Variants in KCNG3 observed in about 807,000 individuals in gnomAD.
The protein encoded by KCNG3 is voltage-gated potassium channel regulatory subunit KCNG3.
KCNG3 carries 15 observed loss-of-function variants against 29.0 expected under a neutral mutation model. The observed-to-expected ratio is 0.52, with a 90% CI of 0.35 to 0.80. The LOEUF (loss-of-function observed/expected upper bound fraction) is 0.80. Ranked by LOEUF, KCNG3 falls within the 30% of genes least tolerant of loss-of-function variation. The pLI is 0.01. For missense variants in KCNG3, 512 were observed against 605.7 expected, an observed-to-expected ratio of 0.85 and a Z score of 1.62; for synonymous variants, 322 against 248.9, an observed-to-expected ratio of 1.29 and a Z score of -2.76.
chr2:42,405,508 A>C, the KCNG3 span, among the ~76,000 whole-genome samples: 1 of 150,152 alleles, frequency 6.7e-6, no homozygotes, highest in Admixed American at 6.6e-5. Context: ...GCGTGATCTC[A>C]GCTCACTGCA....
chr2:42,445,778 G>A (rs1008611387), intron 1 of KCNG3, among the ~76,000 whole-genome samples: 8 of 151,970 alleles, frequency 5.3e-5, no homozygotes, highest in Admixed American at 2.6e-4. Context: ...CCAGGCTGGA[G>A]TGCAGTGGCA....
downstream of KCNG3, among the ~76,000 whole-genome samples, chr2:42,437,648 A>G (rs1284660551): frequency 6.6e-6 from 1 of 152,126 alleles, no homozygotes; most frequent in Non-Finnish European, 1.5e-5. Context: ...TTAAAAAATA[A>G]ATATGTGGGC....
At position 42,478,227 on chromosome 2, in the gene KCNG3, A is replaced by T. The variant is rs115999188; in HGVS notation, c.665+14610T>A. Among the ~76,000 whole-genome samples, 639 of 152,186 alleles carry T rather than the reference A, an allele frequency of 4.2e-3. 2 individuals carry two copies. Among genetic ancestry groups the T allele is most frequent in the African/African-American group, 0.015 (612 of 41,532 alleles). ...AATTACATCTATCTATATTTATCAT[A>T]TTATATATTAAACTAGAATTTTTTT... On this transcript the variant is annotated intron_variant, in intron 1 of 1. Transcript: ENST00000306078.
the KCNG3 span, among the ~76,000 whole-genome samples, chr2:42,395,692 C>T: frequency 1.8e-4 from 27 of 152,276 alleles, no homozygotes; most frequent in African/African-American, 4.1e-4. Flanking sequence ...TGTTGACTCA[C>T]GCCTGTAACC....
At position 42,453,745 on chromosome 2, in the gene KCNG3, G is replaced by A. The variant is rs374342379; in HGVS notation, c.666-9166C>T. On this transcript the variant is annotated intron_variant, in intron 1 of 1. Transcript: ENST00000306078. ...CCATTTGTTCATTTTTGCTTTGGTT[G>A]CCTATGCTGGTGGGGTACTGCTCAA... is the stretch of plus-strand genomic sequence containing the variant. Among the ~76,000 whole-genome samples, 8 of 152,202 alleles carry A rather than the reference G, an allele frequency of 5.3e-5. No homozygotes were observed. In the East Asian group the frequency reaches 1.5e-3, roughly 29 times the overall value.
At chr2:42,415,089 G>A in the KCNG3 span, among the ~76,000 whole-genome samples, 3 of 152,170 alleles carry the variant, frequency 2.0e-5, no homozygotes, top group Non-Finnish European at 1.5e-5. Flanking sequence ...ATGTTTGAGA[G>A]CTTATCTTGG....
At chr2:42,432,802 G>A in the KCNG3 span, among the ~76,000 whole-genome samples, 83 of 152,046 alleles carry the variant, frequency 5.5e-4, no homozygotes, top group East Asian at 0.011. Flanking sequence ...CTATGGCTTC[G>A]ACTTGGTAAA....
chr2:42,453,296 T>C (rs554141188), intron 1 of KCNG3, among the ~76,000 whole-genome samples: 15 of 152,332 alleles, frequency 9.8e-5, no homozygotes, highest in African/African-American at 3.6e-4. Context: ...ATAGTGGTTG[T>C]GCTAATTTAC....
At chr2:42,391,899 G>A in the KCNG3 span, among the ~76,000 whole-genome samples, 8 of 152,086 alleles carry the variant, frequency 5.3e-5, no homozygotes, top group Non-Finnish European at 8.8e-5. Context: ...ACCGCGCCCG[G>A]CCTAAACATT....
the KCNG3 span, among the ~76,000 whole-genome samples, chr2:42,389,552 C>G: frequency 5.2e-3 from 798 of 152,242 alleles, 2 homozygotes; most frequent in Middle Eastern, 0.024. Context: ...TTCACTTTTT[C>G]AAGAATAAAC....
intron 1 of KCNG3, among the ~76,000 whole-genome samples, chr2:42,450,187 T>C (rs1009982759): frequency 3.3e-5 from 5 of 152,150 alleles, no homozygotes; most frequent in Admixed American, 6.5e-5. Context: ...ATCCAAATGG[T>C]GTGGAATAAT....
chr2:42,401,069 A>G, the KCNG3 span, among the ~76,000 whole-genome samples: 1 of 151,010 alleles, frequency 6.6e-6, no homozygotes, highest in Non-Finnish European at 1.5e-5. Flanking sequence ...TCATACATAT[A>G]TTTACATTTA....
chr2:42,459,908 G>C (rs185366370), intron 1 of KCNG3, among the ~76,000 whole-genome samples: 1 of 151,910 alleles, frequency 6.6e-6, no homozygotes, highest in South Asian at 2.1e-4. Flanking sequence ...CCCGGGAGGT[G>C]GAGCTTGCAG....
the KCNG3 span, among the ~76,000 whole-genome samples, chr2:42,436,046 C>G: frequency 2.6e-5 from 4 of 152,092 alleles, no homozygotes; most frequent in African/African-American, 7.2e-5. Flanking sequence ...AAATATTATT[C>G]AGTCGTAAAA....
intron 1 of KCNG3, among the ~76,000 whole-genome samples, chr2:42,467,177 AATAAC>A (rs1367274155): frequency 1.3e-5 from 2 of 152,220 alleles, no homozygotes; most frequent in Non-Finnish European, 2.9e-5. Context: ...TCAGTTTTAG[AATAAC>A]TGGAAAAACT....
chr2:42,478,703 G>A (rs574212862), intron 1 of KCNG3, among the ~76,000 whole-genome samples: 2 of 152,222 alleles, frequency 1.3e-5, no homozygotes, highest in South Asian at 2.1e-4. Flanking sequence ...CTTCCACAGC[G>A]GCACCATCTC....
intron 1 of KCNG3, among the ~76,000 whole-genome samples, chr2:42,488,739 G>T (rs777962388): frequency 6.6e-6 from 1 of 151,834 alleles, no homozygotes; most frequent in Admixed American, 6.6e-5. Flanking sequence ...TAGTAGAGAC[G>T]GGGTTTCACC....
At position 42,473,178 on chromosome 2, in the gene KCNG3, G is replaced by A. The variant is rs1031245201; in HGVS notation, c.665+19659C>T. Among the ~76,000 whole-genome samples, 10 of 151,640 alleles carry A rather than the reference G, an allele frequency of 6.6e-5. No homozygotes were observed. The East Asian group carries it at 2.0e-3, about 30-fold the overall frequency. On this transcript the variant is annotated intron_variant, in intron 1 of 1. Coordinates refer to ENST00000306078, the MANE Select transcript of KCNG3 (RefSeq NM_133329.6). ...CCCAAAGTGCTGAGATTACAGGTGTGAGCCACCGCGTCCGGCCCTCAACAA... is the reference window on the plus strand; with the variant it reads ...CCCAAAGTGCTGAGATTACAGGTGTAAGCCACCGCGTCCGGCCCTCAACAA...
At chr2:42,436,213 T>C in the KCNG3 span, among the ~76,000 whole-genome samples, 1 of 151,968 alleles carries the variant, frequency 6.6e-6, no homozygotes. Flanking sequence ...GAAAGTAGAT[T>C]AGTGGTTGCC....
Sources: allele counts gnomAD v4.1 joint callset (sites outside exome capture counted in the v4.1 genomes callset), GRCh38; gene constraint gnomAD v4.1.1; transcripts MANE v1.5; gene names NCBI Gene and HGNC (gene_info 2026-07-23, HGNC 2026-07-21).